SAXO1: variants seen among roughly 807,000 people sequenced by gnomAD.
SAXO1 encodes stabilizer of axonemal microtubules 1, also known as 4930500O09Rik.
In SAXO1, 21 loss-of-function variants were observed where a neutral mutation model predicts 17.5. The ratio of observed to expected loss-of-function variants is 1.20; its 90% confidence interval spans 0.85 to 1.72. The LOEUF (loss-of-function observed/expected upper bound fraction) is 1.72. Ranked by LOEUF, SAXO1 falls within the 40% of genes most tolerant of loss-of-function variation. The pLI, the probability that SAXO1 is intolerant of heterozygous loss-of-function variation, is 0.00. For missense variants in SAXO1, 843 were observed against 596.0 expected, an observed-to-expected ratio of 1.41 and a Z score of -4.32; for synonymous variants, 274 against 216.5, an observed-to-expected ratio of 1.27 and a Z score of -2.33.
At chr9:19,028,119 A>G (rs1835586383) in intron 1 of SAXO1, 4 of 1,608,176 alleles carry the variant, frequency 2.5e-6, no homozygotes, top group Non-Finnish European at 3.4e-6. Flanking sequence ...AAGCCAACCT[A>G]CAGTACTACG....
chr9:18,944,200 G>A (rs1284259902), intron 2 of SAXO1, among the ~76,000 whole-genome samples: 3 of 152,038 alleles, frequency 2.0e-5, no homozygotes, highest in Non-Finnish European at 4.4e-5. Context: ...AAATGATTAT[G>A]GGGGGTGGGG....
chr9:19,018,908 G>C (rs10963909), intron 1 of SAXO1, among the ~76,000 whole-genome samples: 1 of 151,824 alleles, frequency 6.6e-6, no homozygotes, highest in East Asian at 1.9e-4. Context: ...TCAGGAGTTC[G>C]AACCCAGCCT....
intron 1 of SAXO1, among the ~76,000 whole-genome samples, chr9:18,974,761 T>A (rs1374582664): frequency 6.6e-6 from 1 of 152,094 alleles, no homozygotes; most frequent in Non-Finnish European, 1.5e-5. Flanking sequence ...GAATGCCAAA[T>A]AATAAATGTA....
At chr9:19,020,022 T>TA (rs368560199) in intron 1 of SAXO1, among the ~76,000 whole-genome samples, 66,424 of 141,270 alleles carry the variant, frequency 0.47, 16,242 homozygotes, top group Non-Finnish European at 0.56. Flanking sequence ...CAGGTATTAT[T>TA]AAAAAAAAAA....
intron 1 of SAXO1, among the ~76,000 whole-genome samples, chr9:19,019,032 T>C (rs1835113563): frequency 6.6e-6 from 1 of 151,886 alleles, no homozygotes; most frequent in Non-Finnish European, 1.5e-5. Context: ...TCACTTGAAT[T>C]TGGAAGGTGG....
At chr9:19,005,686 A>G (rs1834455105) in intron 1 of SAXO1, among the ~76,000 whole-genome samples, 1 of 152,214 alleles carries the variant, frequency 6.6e-6, no homozygotes, top group South Asian at 2.1e-4. Context: ...CTGAGAAGAA[A>G]ACATAGGGAA....
chr9:19,028,804 G>C (rs1563991839), intron 1 of SAXO1, among the ~76,000 whole-genome samples: 1 of 151,966 alleles, frequency 6.6e-6, no homozygotes, highest in Non-Finnish European at 1.5e-5. Context: ...ACAAGTGATT[G>C]GAATCTTTAA....
intron 1 of SAXO1, among the ~76,000 whole-genome samples, chr9:18,969,132 G>T (rs117667519): frequency 1.3e-5 from 2 of 152,180 alleles, no homozygotes; most frequent in South Asian, 2.1e-4. Flanking sequence ...AAACAAGCGC[G>T]TATCTGCTTA....
chr9:18,929,557 C>A (rs151198859), intron 3 of SAXO1, among the ~76,000 whole-genome samples: 118 of 152,322 alleles, frequency 7.7e-4, no homozygotes, highest in Non-Finnish European at 1.5e-3. Flanking sequence ...CCCTGTAATC[C>A]TCACATGTAA....
intron 1 of SAXO1, among the ~76,000 whole-genome samples, chr9:18,954,542 TCC>T (rs1832172313): frequency 6.6e-6 from 1 of 151,932 alleles, no homozygotes; most frequent in Non-Finnish European, 1.5e-5. Context: ...TCACCATGCT[TCC>T]CAAGCTGGTA....
chr9:18,990,489 T>A (rs1833771760), intron 1 of SAXO1, among the ~76,000 whole-genome samples: 1 of 152,174 alleles, frequency 6.6e-6, no homozygotes, highest in Non-Finnish European at 1.5e-5. Flanking sequence ...GAGAATTGCT[T>A]GAACCTCAGA....
chr9:18,998,602 G>C (rs539063942), intron 1 of SAXO1, among the ~76,000 whole-genome samples: 1 of 152,236 alleles, frequency 6.6e-6, no homozygotes, highest in South Asian at 2.1e-4. Context: ...TCAAATTCAG[G>C]AAGTACACAG....
upstream of SAXO1, among the ~76,000 whole-genome samples, chr9:19,033,567 G>A (rs1295738799): frequency 1.3e-5 from 2 of 152,220 alleles, no homozygotes; most frequent in African/African-American, 2.4e-5. Context: ...AGGGTTTCCA[G>A]ATCTTCCTGT....
chr9:19,030,371 A>C (rs1835704245), intron 1 of SAXO1, among the ~76,000 whole-genome samples: 1 of 152,304 alleles, frequency 6.6e-6, no homozygotes, highest in South Asian at 2.1e-4. Flanking sequence ...GAAGGGACCA[A>C]TTAAAGAAAG....
At chr9:18,952,653 G>A (rs1333252109) in intron 1 of SAXO1, among the ~76,000 whole-genome samples, 1 of 152,118 alleles carries the variant, frequency 6.6e-6, no homozygotes, top group Non-Finnish European at 1.5e-5. Flanking sequence ...GAAATTGCCT[G>A]ATTTACTTTG....
intron 1 of SAXO1, among the ~76,000 whole-genome samples, chr9:18,992,936 G>A (rs1330852309): frequency 6.6e-6 from 1 of 152,090 alleles, no homozygotes; most frequent in Admixed American, 6.5e-5. Context: ...GAATAGCTAG[G>A]ATTACAAGCA....
intron 2 of SAXO1, among the ~76,000 whole-genome samples, chr9:18,948,946 C>G (rs1370378639): frequency 6.6e-6 from 1 of 152,220 alleles, no homozygotes. Context: ...GTACTACTCT[C>G]ACCCTTTCCT....
rs567219999 is a variant in SAXO1 at position 18,959,929 on chromosome 9, G to C, written c.39-8992C>G. Among the ~76,000 whole-genome samples the C allele has an allele frequency of 1.4e-4, 22 of 152,320 alleles. No homozygotes were observed. In the East Asian group the frequency reaches 4.3e-3, roughly 29 times the overall value. On this transcript the variant is annotated intron_variant, in intron 1 of 3. Coordinates refer to ENST00000380534, the MANE Select transcript of SAXO1 (RefSeq NM_153707.4). ...CCCAGTGCTGGGACTTTCATCAGCA[G>C]CAATGCAAGGCTAAGGACAGGTGAT...
At chr9:18,972,601 C>G (rs1161719726) in intron 1 of SAXO1, among the ~76,000 whole-genome samples, 1 of 152,128 alleles carries the variant, frequency 6.6e-6, no homozygotes, top group African/African-American at 2.4e-5. Context: ...GCTACATGAA[C>G]AGTCTAGGGC....
Sources: gnomAD v4.1 joint callset for allele counts (sites outside exome capture counted in the v4.1 genomes callset) on GRCh38, gnomAD v4.1.1 for gene constraint, MANE v1.5 for transcripts, NCBI Gene and HGNC (gene_info 2026-07-23, HGNC 2026-07-21) for gene names.